The following NETO1 variants were observed in gnomAD, a reference collection of about 807,000 sequenced individuals.
NETO1 encodes the protein neuropilin and tolloid like 1.
A neutral mutation model predicts 61.3 loss-of-function variants in NETO1; 26 were observed. The observed-to-expected ratio is 0.42, with a 90% CI of 0.31 to 0.59. The LOEUF is 0.59. Among genes scored for constraint, NETO1 ranks in the 20% least tolerant of loss-of-function variants. The pLI is 0.12. For missense variants in NETO1, 531 were observed against 662.8 expected (o/e 0.80, Z 2.18); for synonymous variants, 225 against 225.8 (o/e 1.00, Z 0.03).
In NETO1 at chr18:72,794,184, T is replaced by G; in HGVS notation, c.572A>C (p.Glu191Ala). 1 of 1,614,190 alleles carries G rather than the reference T, an allele frequency of 6.2e-7. No individual in the cohort carries two copies. Residue 191 changes from glutamate (E) to alanine (A), a missense_variant, in exon 6 of 11, where the codon GAA (glutamate) becomes GCA (alanine). Coordinates refer to ENST00000327305, the MANE Select transcript of NETO1 (RefSeq NM_138966.5). Reference sequence around the variant, plus strand: ...AGCCTCGCTAGCAGTAGCTTTGCCTTCCTTCATAATTTGTATAGACTCCAC... The same window carrying G: ...AGCCTCGCTAGCAGTAGCTTTGCCTGCCTTCATAATTTGTATAGACTCCAC... ...GIVESIQIMKEGKATASEAVD... is the reference protein window; with the variant it reads ...GIVESIQIMKAGKATASEAVD...
chr18:72,795,177 C>T (rs758670740), intron 4 of NETO1, among the ~76,000 whole-genome samples: 3 of 152,108 alleles, frequency 2.0e-5, no homozygotes, highest in African/African-American at 7.2e-5. Context: ...GTGGGGGTCT[C>T]GTTCTTGTTC....
At chr18:72,828,007 G>T (rs753573159) in intron 4 of NETO1, among the ~76,000 whole-genome samples, 1 of 152,134 alleles carries the variant, frequency 6.6e-6, no homozygotes, top group East Asian at 1.9e-4. Context: ...ATTAGTCCAC[G>T]TAAGAGCAAT....
rs1429164501 is a variant in NETO1 at position 72,867,278 on chromosome 18, C to T, written c.14G>A (p.Arg5His). Reference sequence around the variant, plus strand: ...AGGGTACTCACTGTGAAGCACGCTGCGCCCATGGATCATGTCTGTGCGTTA... The same window carrying T: ...AGGGTACTCACTGTGAAGCACGCTGTGCCCATGGATCATGTCTGTGCGTTA... MIHGRSVLHIVASLI... is the reference protein window; with the variant it reads MIHGHSVLHIVASLI... The change falls in exon 1 of 11, where the codon CGC (arginine) becomes CAC (histidine). Residue 5 changes from arginine (R) to histidine (H), a missense_variant. Physicochemically the swap from Arg to His is conservative, Grantham distance 29 (BLOSUM62 0). Transcript: ENST00000327305. 6 of 1,569,740 alleles carry T rather than the reference C, an allele frequency of 3.8e-6. No homozygotes were observed. The Admixed American group carries it at 9.0e-5, about 24-fold the overall frequency.
intron 8 of NETO1, among the ~76,000 whole-genome samples, chr18:72,751,045 T>A (rs2070594750): frequency 2.9e-5 from 1 of 34,528 alleles, no homozygotes; most frequent in African/African-American, 1.4e-4. Context: ...CATCTCATCT[T>A]AAAATACACA....
At chr18:72,857,532 C>G (rs2145632791) in intron 4 of NETO1, among the ~76,000 whole-genome samples, 1 of 152,216 alleles carries the variant, frequency 6.6e-6, no homozygotes, top group South Asian at 2.1e-4. Context: ...GAAAATATAA[C>G]TTATGAAACC....
At chr18:72,847,564 G>T (rs770947565) in intron 4 of NETO1, among the ~76,000 whole-genome samples, 20 of 152,160 alleles carry the variant, frequency 1.3e-4, no homozygotes, top group African/African-American at 2.4e-5. Context: ...CTTTGGGAAG[G>T]ATTGCAAGTT....
intron 4 of NETO1, among the ~76,000 whole-genome samples, chr18:72,841,368 G>A (rs1024978456): frequency 2.0e-5 from 3 of 151,834 alleles, no homozygotes; most frequent in East Asian, 3.9e-4. Context: ...TACACTTACA[G>A]AATCTTATTT....
intron 7 of NETO1, among the ~76,000 whole-genome samples, chr18:72,757,467 ATTCTTCCTGG>A: frequency 6.6e-6 from 1 of 152,140 alleles, no homozygotes; most frequent in African/African-American, 2.4e-5. Flanking sequence ...AAGCAATGTG[ATTCTTCCTGG>A]TTCTTCATCC....
At chr18:72,814,340 T>A (rs2145233051) in intron 4 of NETO1, among the ~76,000 whole-genome samples, 1 of 152,214 alleles carries the variant, frequency 6.6e-6, no homozygotes, top group South Asian at 2.1e-4. Context: ...GAGAAGAGAA[T>A]GTATATGTTG....
chr18:72,852,999 A>AT (rs1311837908), intron 4 of NETO1, among the ~76,000 whole-genome samples: 1 of 151,084 alleles, frequency 6.6e-6, no homozygotes, highest in Non-Finnish European at 1.5e-5. Flanking sequence ...CGCCCGACTA[A>AT]TTTTTTTGTA....
intron 4 of NETO1, among the ~76,000 whole-genome samples, chr18:72,818,811 A>G (rs2145273139): frequency 6.6e-6 from 1 of 152,352 alleles, no homozygotes; most frequent in East Asian, 1.9e-4. Context: ...GAAACAAGCA[A>G]CATGTTCTTT....
At chr18:72,863,583 A>G (rs763019919) in intron 3 of NETO1, among the ~76,000 whole-genome samples, 1 of 152,154 alleles carries the variant, frequency 6.6e-6, no homozygotes, top group Non-Finnish European at 1.5e-5. Context: ...GCCTTCTTAC[A>G]GTGTGGTTTA....
chr18:72,824,603 G>A (rs1057282722), intron 4 of NETO1, among the ~76,000 whole-genome samples: 4 of 151,980 alleles, frequency 2.6e-5, no homozygotes, highest in Admixed American at 2.0e-4. Context: ...GGTGGCTCAC[G>A]CCTGTAATTC....
intron 7 of NETO1, among the ~76,000 whole-genome samples, chr18:72,778,231 A>C (rs186213935): frequency 6.8e-4 from 104 of 152,282 alleles, no homozygotes; most frequent in Middle Eastern, 3.4e-3. Flanking sequence ...CTTCAGTGTC[A>C]TCCTTCCACT....
intron 4 of NETO1, among the ~76,000 whole-genome samples, chr18:72,827,194 T>A (rs1222559325): frequency 6.6e-6 from 1 of 152,156 alleles, no homozygotes; most frequent in African/African-American, 2.4e-5. Context: ...GTTTATTCCC[T>A]TTTTTATTCT....
chr18:72,837,351 A>G (rs1462661418), intron 4 of NETO1, among the ~76,000 whole-genome samples: 1 of 152,196 alleles, frequency 6.6e-6, no homozygotes, highest in Admixed American at 6.5e-5. Context: ...AGCGAATGCC[A>G]AGTGGTCTGG....
chr18:72,794,517 G>A, intron 4 of NETO1, 113 bp from the exon 5 acceptor site: 1 of 1,008,168 alleles, frequency 9.9e-7, no homozygotes. Flanking sequence ...ACACATTAGG[G>A]AAAAGTAAAA....
At chr18:72,777,352 G>A (rs576321221) in intron 7 of NETO1, among the ~76,000 whole-genome samples, 1 of 150,360 alleles carries the variant, frequency 6.7e-6, no homozygotes. Flanking sequence ...CGGGAGGGGG[G>A]AGGTTGCAGG....
intron 4 of NETO1, among the ~76,000 whole-genome samples, chr18:72,829,133 A>G (rs905752346): frequency 6.6e-6 from 1 of 152,226 alleles, no homozygotes; most frequent in Non-Finnish European, 1.5e-5. Flanking sequence ...TCACTCAGAA[A>G]TTGAAAAACA....
Sources: gnomAD v4.1 joint callset for allele counts (sites outside exome capture counted in the v4.1 genomes callset) on GRCh38, gnomAD v4.1.1 for gene constraint, MANE v1.5 for transcripts, NCBI Gene and HGNC (gene_info 2026-07-23, HGNC 2026-07-21) for gene names.